The following PDGFRA variants were observed in gnomAD, a reference collection of about 807,000 sequenced individuals.
PDGFRA encodes the protein platelet derived growth factor receptor alpha, also known as platelet-derived growth factor receptor alpha.
A neutral mutation model predicts 121.5 loss-of-function variants in PDGFRA; 25 were observed. The ratio of observed to expected loss-of-function variants is 0.21; its 90% CI spans 0.15 to 0.29. The LOEUF (loss-of-function observed/expected upper bound fraction) is 0.29, where lower values mean the gene tolerates loss of function less well. PDGFRA is among the 10% of genes least tolerant of loss of function. PDGFRA has a pLI of 1.00. For missense variants in PDGFRA, 1,008 were observed against 1,345.1 expected (o/e 0.75, Z 3.92); for synonymous variants, 463 against 494.8 (o/e 0.94, Z 0.85).
At position 54,270,673 on chromosome 4, in the gene PDGFRA, G is replaced by A. The variant is rs1227372630; in HGVS notation, c.1162G>A (p.Asp388Asn). 1.9e-6 allele frequency: 3 copies of A among 1,612,470 alleles called. No individual in the cohort carries two copies. The highest frequency in any genetic ancestry group is 2.5e-6 in the Non-Finnish European group (3 of 1,178,726). ...AAAGCTGATCCGTGCTAAGGAAGAA[G>A]ACAGTGGCCATTATACTATTGTAGC... ...KLKLIRAKEE[D>N]SGHYTIVAQN... Residue 388 changes from aspartate to asparagine, a missense_variant, in exon 8 of 23, where the codon GAC becomes AAC. Asp to Asn is a conservative substitution (Grantham distance 23). This residue lies in a region of PDGFRA where 575 missense variants were observed against 701.8 expected (regional missense o/e 0.82). Coordinates refer to ENST00000257290, the MANE Select transcript of PDGFRA (RefSeq NM_006206.6).
chr4:54,257,527 G>C (rs1722437776), intron 1 of PDGFRA, among the ~76,000 whole-genome samples: 1 of 152,144 alleles, frequency 6.6e-6, no homozygotes, highest in Admixed American at 6.5e-5. Context: ...TAGGGATCTG[G>C]TGCATCCCAG....
At chr4:54,293,310 GATCT>G (rs1452611480) in intron 22 of PDGFRA, among the ~76,000 whole-genome samples, 7 of 151,930 alleles carry the variant, frequency 4.6e-5, no homozygotes, top group Non-Finnish European at 2.9e-5. Flanking sequence ...ACTCAGGTTA[GATCT>G]TTGGCAAACA....
intron 1 of PDGFRA, among the ~76,000 whole-genome samples, chr4:54,234,420 A>G (rs1476282884): frequency 6.6e-6 from 1 of 152,226 alleles, no homozygotes; most frequent in East Asian, 1.9e-4. Flanking sequence ...TCCTTGGACC[A>G]ACACTGCCAT....
At chr4:54,235,071 G>T (rs2110174127) in intron 1 of PDGFRA, among the ~76,000 whole-genome samples, 1 of 152,312 alleles carries the variant, frequency 6.6e-6, no homozygotes, top group Non-Finnish European at 1.5e-5. Flanking sequence ...ACAGGGAGAA[G>T]TTTCCACCAG....
At position 54,254,530 on chromosome 4, in the gene PDGFRA, G is replaced by T. The variant is rs114954110; in HGVS notation, c.-12-4227G>T. 6.4e-3 allele frequency among the ~76,000 whole-genome samples: 977 copies of T among 152,292 alleles called. 6 individuals carry two copies. Among genetic ancestry groups the T allele is most frequent in the African/African-American group, 0.021 (872 of 41,562 alleles). ...CAGTGAAAAACACTCCTCAGGTTTT[G>T]CAGGAAAAGCAGTGAACCCTTCTTT... On this transcript the variant is annotated intron_variant, in intron 1 of 22. Transcript: ENST00000257290.
chr4:54,273,810 T>A, intron 10 of PDGFRA, 80 bp downstream of exon 10: 1 of 1,178,528 alleles, frequency 8.5e-7, no homozygotes, highest in South Asian at 1.2e-5. Context: ...CAGATAGGGG[T>A]TATATAGAAA....
At chr4:54,276,681 CAGTGT>C (rs1723744781) in intron 12 of PDGFRA, 1 of 152,524 alleles carries the variant, frequency 6.6e-6, no homozygotes, top group Admixed American at 6.5e-5. Context: ...CAGTAAGAGG[CAGTGT>C]TGGCTGTTAG....
rs1724900081 is a variant in PDGFRA, at chr4:54,296,722, G to GACTT, written c.*1452_*1455dup. 1 of 232,936 alleles carries GACTT rather than the reference G, an allele frequency of 4.3e-6. No individual in the cohort carries two copies. Among genetic ancestry groups the GACTT allele is most frequent in the African/African-American group, 2.2e-5 (1 of 45,420 alleles). The allele number at this position is 232,936 out of a possible 1,614,324, so 14.4% of individuals were successfully genotyped here. A position where few individuals can be genotyped will look rare whatever the true frequency, so the allele number is the denominator to read the frequency against. On this transcript the variant is annotated 3_prime_UTR_variant, in exon 23 of 23. Coordinates refer to ENST00000257290, the MANE Select transcript of PDGFRA (RefSeq NM_006206.6). The stretch of plus-strand genomic sequence containing the variant: ...TGATCGGCCAGTTTTCGGAAACACT[G>GACTT]ACTTAGGTTTCAGGAAGTTGCCATG...
At chr4:54,238,261 A>G (rs1351690530) in intron 1 of PDGFRA, among the ~76,000 whole-genome samples, 2 of 152,228 alleles carry the variant, frequency 1.3e-5, no homozygotes, top group Admixed American at 1.3e-4. Flanking sequence ...GTAGAAATAC[A>G]TGATTAGGCC....
Position 54,264,967 on chromosome 4 carries a change from A to G in PDGFRA, c.677A>G (p.Lys226Arg). The change falls in exon 5 of 23, where the codon AAG becomes AGG. Residue 226 changes from lysine to arginine, a missense_variant. Around this residue, in one of 5 missense-constraint regions of PDGFRA, gnomAD observed 575 missense variants for 701.8 expected, o/e 0.82. Coordinates refer to ENST00000257290, the MANE Select transcript of PDGFRA (RefSeq NM_006206.6). ...ATGGAAGCTCTTAAAACCGTGTATA[A>G]GTCAGGGGAAACGATTGTGGTCACC... Reference protein sequence around the residue: ...LEMEALKTVYKSGETIVVTCA... With the variant: ...LEMEALKTVYRSGETIVVTCA... 1.2e-6 allele frequency: 2 copies of G among 1,613,410 alleles called. No individual in the cohort carries two copies. Among genetic ancestry groups the G allele is most frequent in the Non-Finnish European group, 1.7e-6 (2 of 1,179,372 alleles).
At position 54,273,573 on chromosome 4, in the gene PDGFRA, C is replaced by A. The variant is rs878854821; in HGVS notation, c.1401C>A (p.Asn467Lys). The A allele has an allele frequency of 6.2e-7, 1 of 1,614,102 alleles. No homozygotes were observed. Among genetic ancestry groups the A allele is most frequent in the Non-Finnish European group, 8.5e-7 (1 of 1,180,012 alleles). The change falls in exon 10 of 23, where the codon AAC (asparagine) becomes AAA (lysine). Residue 467 changes from asparagine (N) to lysine (K), a missense_variant. This residue lies in a region of PDGFRA where 575 missense variants were observed against 701.8 expected (regional missense o/e 0.82). Transcript: ENST00000257290. ...NNETSWTILANNVSNIITEIH... is the reference protein window; with the variant it reads ...NNETSWTILAKNVSNIITEIH... ...AAACTTCCTGGACTATTTTGGCCAA[C>A]AATGTCTCAAACATCATCACGGAGA...
rs376391087 is a variant in PDGFRA at position 54,286,249 on chromosome 4, T to C, written c.2562+286T>C. Among the ~76,000 whole-genome samples, 21 of 152,306 alleles carry C rather than the reference T, an allele frequency of 1.4e-4. No individual in the cohort carries two copies. In the East Asian group the frequency reaches 3.1e-3, roughly 22 times the overall value. ...TTGCTGAGTTGCTATGGGGATTAAA[T>C]CAATGAATTCATGTAAAGTGCTTAG... is the stretch of plus-strand genomic sequence containing the variant. On this transcript the variant is annotated intron_variant, in intron 18 of 22. Coordinates refer to ENST00000257290, the MANE Select transcript of PDGFRA (RefSeq NM_006206.6).
At chr4:54,231,842 TC>T (rs989274547) in intron 1 of PDGFRA, among the ~76,000 whole-genome samples, 1 of 152,164 alleles carries the variant, frequency 6.6e-6, no homozygotes, top group African/African-American at 2.4e-5. Flanking sequence ...TTGAAGGAGA[TC>T]CCAGGCTCCC....
chr4:54,261,545 C>A, intron 3 of PDGFRA, 133 bp downstream of exon 3: 1 of 592,660 alleles, frequency 1.7e-6, no homozygotes, highest in Non-Finnish European at 2.9e-6. Flanking sequence ...AGCGAACACA[C>A]ACAAAAATCA....
intron 1 of PDGFRA, among the ~76,000 whole-genome samples, chr4:54,256,029 G>C (rs1450264736): frequency 6.6e-6 from 1 of 152,046 alleles, no homozygotes; most frequent in African/African-American, 2.4e-5. Context: ...ATTCCCAGGA[G>C]GTTAGGCATT....
chr4:54,292,397 C>T lies in PDGFRA; in HGVS notation c.3122+1843C>T, dbSNP rs189629550. Among the ~76,000 whole-genome samples the T allele has an allele frequency of 2.0e-3, 299 of 152,236 alleles. 1 individual carries two copies. The highest frequency in any genetic ancestry group is 6.4e-3 in the African/African-American group (264 of 41,540). On this transcript the variant is annotated intron_variant, in intron 22 of 22. Coordinates refer to ENST00000257290, the MANE Select transcript of PDGFRA (RefSeq NM_006206.6). ...CATGGATGGAGCTGGAAGCCGTTAC[C>T]GTCAGCAAACTAACACAGGAACAGA... is the stretch of plus-strand genomic sequence containing the variant.
At chr4:54,275,291 G>A (rs1723658134) in intron 12 of PDGFRA, among the ~76,000 whole-genome samples, 1 of 152,154 alleles carries the variant, frequency 6.6e-6, no homozygotes, top group Non-Finnish European at 1.5e-5. Context: ...ATGAATTTCT[G>A]TGACTAAAAA....
chr4:54,237,492 A>G (rs564197044), intron 1 of PDGFRA, among the ~76,000 whole-genome samples: 5 of 152,360 alleles, frequency 3.3e-5, no homozygotes, highest in Non-Finnish European at 4.4e-5. Context: ...TGATAAAACC[A>G]AAGACATCAA....
chr4:54,292,844 CAA>C (rs1724695951), intron 22 of PDGFRA, among the ~76,000 whole-genome samples: 1 of 151,974 alleles, frequency 6.6e-6, no homozygotes, highest in South Asian at 2.1e-4. Context: ...CACATGGACA[CAA>C]AGAGGGGAAC....
Sources: gnomAD v4.1 joint callset for allele counts (sites outside exome capture counted in the v4.1 genomes callset) on GRCh38, gnomAD v4.1.1 for gene constraint, gnomAD v4.1.1 regional missense constraint, MANE v1.5 for transcripts, NCBI Gene and HGNC (gene_info 2026-07-23, HGNC 2026-07-21) for gene names.